The following TRIP6 variants were observed in gnomAD, a reference collection of about 807,000 sequenced individuals.
TRIP6 encodes thyroid receptor-interacting protein 6.
TRIP6 carries 33 observed loss-of-function variants against 51.9 expected under a neutral mutation model. The observed-to-expected ratio is 0.64, with a 90% CI of 0.48 to 0.85. The LOEUF is 0.85. Among genes scored for constraint, TRIP6 ranks in the 40% least tolerant of loss-of-function variants. The pLI, the probability that TRIP6 is intolerant of heterozygous loss-of-function variation, is 0.00. For synonymous variants in TRIP6, 255 were observed against 275.8 expected, an observed-to-expected ratio of 0.92 and a Z score of 0.75; for missense variants, 661 against 652.1, an observed-to-expected ratio of 1.01 and a Z score of -0.15.
At position 100,868,718 on chromosome 7, in the gene TRIP6, C is replaced by T. The variant is rs200697023; in HGVS notation, c.587C>T (p.Pro196Leu). 325 of 1,568,716 alleles carry T rather than the reference C, an allele frequency of 2.1e-4. No individual in the cohort carries two copies. Among genetic ancestry groups the T allele is most frequent in the East Asian group, 3.2e-4 (14 of 44,222 alleles). ...GCCTCTCAGGCCTCTGGGCCCCTCC[C>T]GGGCCCCCACTTTCCTCTCCCAGGC... ...RGASQASGPL[P>L]GPHFPLPGRG... The change falls in exon 4 of 9, where the codon CCG becomes CTG. Residue 196 changes from proline (P) to leucine (L), a missense_variant. Pro to Leu is a moderately conservative substitution (Grantham distance 98). Transcript: ENST00000200457.
In TRIP6 at chr7:100,868,219, C is replaced by G; in HGVS notation, c.349C>G (p.Arg117Gly). 6.2e-7 allele frequency: 1 copy of G among 1,607,638 alleles called. No homozygotes were observed. Residue 117 changes from arginine to glycine, a missense_variant, in exon 3 of 9, where the codon CGA (arginine) becomes GGA (glycine). Arg to Gly is a moderately radical substitution (Grantham distance 125). Coordinates refer to ENST00000200457, the MANE Select transcript of TRIP6 (RefSeq NM_003302.3). ...TGGGGGTCGGGGTCATGCGTCACGG[C>G]GACCAGACCGACAGGTGACTCTGCC... ...LNGGRGHASR[R>G]PDRQAYEPPP...
chr7:100,872,824 G>A, intron 8 of TRIP6, 80 bp downstream of exon 8: 3 of 1,549,804 alleles, frequency 1.9e-6, no homozygotes, highest in East Asian at 4.5e-5. Context: ...ACAGAGGTCT[G>A]GGGTTGATGG....
In TRIP6 at chr7:100,870,390, A is replaced by G. The variant is rs1397197880; in HGVS notation, c.756A>G (p.Pro252=). ...HGPQVPLSQP[P]EDELDRLTKK... is the part of the protein sequence containing the mutation. ...TCCAGGTGCCCCTGAGCCAGCCTCC[A>G]GAGGATGAGCTGGATAGGCTGACGA... is the stretch of plus-strand genomic sequence containing the variant. The change falls in exon 5 of 9, where the codon CCA becomes CCG. Residue 252 remains proline (P), a synonymous_variant. Coordinates refer to ENST00000200457, the MANE Select transcript of TRIP6 (RefSeq NM_003302.3). 2 of 1,612,340 alleles carry G rather than the reference A, an allele frequency of 1.2e-6. No homozygotes were observed. The highest frequency in any genetic ancestry group is 3.3e-5 in the Admixed American group (2 of 60,002).
At chr7:100,872,795 G>A in intron 8 of TRIP6, 51 bp downstream of exon 8, 1 of 1,608,542 alleles carries the variant, frequency 6.2e-7, no homozygotes, top group Non-Finnish European at 8.5e-7. Context: ...AGGGTGCTGG[G>A]TAGAGCATGA....
Position 100,867,841 on chromosome 7 carries a change from TTTCTC to T in TRIP6, c.110-16_110-12del. The T allele has an allele frequency of 6.5e-7, 1 of 1,537,122 alleles. No individual in the cohort carries two copies. Among genetic ancestry groups the T allele is most frequent in the Non-Finnish European group, 8.7e-7 (1 of 1,150,396 alleles). The stretch of plus-strand genomic sequence containing the variant: ...CTGTCCTCCGCCACCCCACCTTTGA[TTTCTC>T]TTCCCTCAACCCAGCACTCCAGCCC... On this transcript the variant is annotated splice_polypyrimidine_tract_variant and intron_variant, in intron 1 of 8. Coordinates refer to ENST00000200457, the MANE Select transcript of TRIP6 (RefSeq NM_003302.3). This position sits in a 1 kb window ranked among gnomAD's most constrained non-coding sequence, Gnocchi z 5.4.
intron 8 of TRIP6, 122 bp downstream of exon 8, chr7:100,872,866 T>TC: frequency 7.1e-7 from 1 of 1,408,824 alleles, no homozygotes; most frequent in Non-Finnish European, 9.4e-7. Flanking sequence ...TTTTTTTTTT[T>TC]TTGAGACGGA....
At chr7:100,870,808 G>GT in intron 6 of TRIP6, 65 bp downstream of exon 6, 3 of 1,548,902 alleles carry the variant, frequency 1.9e-6, no homozygotes, top group Non-Finnish European at 2.6e-6. Context: ...ATCCAAGGTG[G>GT]TAACTAGAGC....
chr7:100,867,912 G>A lies in TRIP6; in HGVS notation c.161G>A (p.Cys54Tyr), dbSNP rs370480446. 20 of 1,525,996 alleles carry A rather than the reference G, an allele frequency of 1.3e-5. No individual in the cohort carries two copies. Among genetic ancestry groups the A allele is most frequent in the Non-Finnish European group, 1.7e-5 (20 of 1,144,012 alleles). 94.5% of individuals were successfully genotyped at this position (1,525,996 alleles called of 1,614,324 possible). ...VNFCPLPSEQ[C>Y]YQAPGGPEDR... ...TTTTGCCCCCTTCCATCTGAGCAGT[G>A]TTACCAGGCCCCAGGGGGACCGGAG... Residue 54 changes from cysteine (C) to tyrosine (Y), a missense_variant, in exon 2 of 9, where the codon TGT becomes TAT. Physicochemically the swap from Cys to Tyr is radical, Grantham distance 194. Coordinates refer to ENST00000200457, the MANE Select transcript of TRIP6 (RefSeq NM_003302.3). The surrounding 1 kb of genome is among the most constrained non-coding windows in gnomAD (Gnocchi z 5.4).
At position 100,870,447 on chromosome 7, in the gene TRIP6, C is replaced by T. The variant is rs1336144506; in HGVS notation, c.813C>T (p.Pro271=). Residue 271 remains proline (P), a synonymous_variant, in exon 5 of 9, where the codon CCC becomes CCT. Coordinates refer to ENST00000200457, the MANE Select transcript of TRIP6 (RefSeq NM_003302.3). The part of the protein sequence containing the change: ...KKLVHDMNHP[P]SGEYFGQCGG... ...TGGTTCACGACATGAACCACCCGCC[C>T]AGCGGGGAGTACTTTGGTGAGCTGA... 6.2e-7 allele frequency: 1 copy of T among 1,613,504 alleles called. No homozygotes were observed. Among genetic ancestry groups the T allele is most frequent in the Non-Finnish European group, 8.5e-7 (1 of 1,179,848 alleles).
intron 4 of TRIP6, among the ~76,000 whole-genome samples, chr7:100,869,976 A>T (rs1423986717): frequency 6.6e-6 from 1 of 152,134 alleles, no homozygotes; most frequent in Non-Finnish European, 1.5e-5. Context: ...AAACAATTAT[A>T]CAATTCACCA....
In TRIP6 at chr7:100,868,681, C is replaced by T. The variant is rs1451218654; in HGVS notation, c.550C>T (p.Pro184Ser). 1.2e-6 allele frequency: 2 copies of T among 1,603,546 alleles called. No homozygotes were observed. Among genetic ancestry groups the T allele is most frequent in the Non-Finnish European group, 1.7e-6 (2 of 1,174,812 alleles). Residue 184 changes from proline (P) to serine (S), a missense_variant, in exon 4 of 9, where the codon CCC becomes TCC. By Grantham distance (74) the Pro-to-Ser change is moderately conservative. Transcript: ENST00000200457. ...ACAGCCAGTGAGGGGCTGCGGCCCA[C>T]CCAGGCGGGGAGCCTCTCAGGCCTC... is the stretch of plus-strand genomic sequence containing the variant. ...VAQPVRGCGP[P>S]RRGASQASGP...
At position 100,873,150 on chromosome 7, in the gene TRIP6, ATTG is replaced by A; in HGVS notation, c.1300-18_1300-16del. 8 of 1,602,402 alleles carry A rather than the reference ATTG, an allele frequency of 5.0e-6. No homozygotes were observed. Among genetic ancestry groups the A allele is most frequent in the Non-Finnish European group, 6.0e-6 (7 of 1,172,424 alleles). On this transcript the variant is annotated intron_variant, in intron 8 of 8. Coordinates refer to ENST00000200457, the MANE Select transcript of TRIP6 (RefSeq NM_003302.3). ...AGGCGTGAGCCATCGCGCCCGGCCA[ATTG>A]TTGCTTCTTTTTCAACAGGAGTGTG...
chr7:100,871,663 G>T lies in TRIP6; in HGVS notation c.1120G>T (p.Gly374Cys). 1 of 1,613,998 alleles carries T rather than the reference G, an allele frequency of 6.2e-7. No individual in the cohort carries two copies. Among genetic ancestry groups the T allele is most frequent in the Non-Finnish European group, 8.5e-7 (1 of 1,180,026 alleles). The change falls in exon 7 of 9, where the codon GGC becomes TGC. Residue 374 changes from glycine (G) to cysteine (C), a missense_variant. By Grantham distance (159) the Gly-to-Cys change is radical. Coordinates refer to ENST00000200457, the MANE Select transcript of TRIP6 (RefSeq NM_003302.3). ...TCVVCHRGLD[G>C]IPFTVDATSQ... ...CGTGGTGTGTCACCGCGGCCTCGAC[G>T]GCATCCCCTTCACAGTGGATGCTAC... is the stretch of plus-strand genomic sequence containing the variant.
Position 100,870,687 on chromosome 7 carries a change from C to G in TRIP6, c.943C>G (p.Arg315Gly), listed in dbSNP as rs546644102. 6.2e-7 allele frequency: 1 copy of G among 1,614,078 alleles called. No homozygotes were observed. Among genetic ancestry groups the G allele is most frequent in the South Asian group, 1.1e-5 (1 of 91,084 alleles). ...FVCSTCRAQLRGQHFYAVERR... is the reference protein window; with the variant it reads ...FVCSTCRAQLGGQHFYAVERR... ...ATGTTCTACATGCCGGGCCCAGCTTCGCGGCCAGCATTTCTACGCCGTGGA... is the reference window on the plus strand; with the variant it reads ...ATGTTCTACATGCCGGGCCCAGCTTGGCGGCCAGCATTTCTACGCCGTGGA... Residue 315 changes from arginine to glycine, a missense_variant, in exon 6 of 9, where the codon CGC becomes GGC. Coordinates refer to ENST00000200457, the MANE Select transcript of TRIP6 (RefSeq NM_003302.3).
At chr7:100,872,006 TTTC>T (rs993682581) in intron 7 of TRIP6, among the ~76,000 whole-genome samples, 5 of 151,168 alleles carry the variant, frequency 3.3e-5, no homozygotes, top group African/African-American at 4.9e-5. Context: ...CCTGGCTAGT[TTTC>T]TTCGTTTTTT....
In TRIP6 at chr7:100,872,638, G is replaced by A. The variant is rs1386270369; in HGVS notation, c.1193G>A (p.Arg398Lys). ...IEDFHRKFAP[R>K]CSVCGGAIMP... is the part of the protein sequence containing the mutation. The stretch of plus-strand genomic sequence containing the variant: ...TTCCCCTGCAGGAAGTTTGCCCCAA[G>A]ATGCTCAGTGTGCGGTGGGGCCATA... The change falls in exon 8 of 9, where the codon AGA becomes AAA. Residue 398 changes from arginine to lysine, a missense_variant. By Grantham distance (26) the Arg-to-Lys change is conservative. Coordinates refer to ENST00000200457, the MANE Select transcript of TRIP6 (RefSeq NM_003302.3). 3.7e-6 allele frequency: 6 copies of A among 1,613,934 alleles called. No individual in the cohort carries two copies. Among genetic ancestry groups the A allele is most frequent in the Non-Finnish European group, 5.1e-6 (6 of 1,179,966 alleles).
chr7:100,869,390 T>C (rs1214365833), intron 4 of TRIP6, among the ~76,000 whole-genome samples: 1 of 149,196 alleles, frequency 6.7e-6, no homozygotes, highest in African/African-American at 2.5e-5. Flanking sequence ...CCCAGCACTT[T>C]GGGAGGCTGA....
At chr7:100,871,990 A>T (rs527919098) in intron 7 of TRIP6, among the ~76,000 whole-genome samples, 120 of 143,396 alleles carry the variant, frequency 8.4e-4, no homozygotes, top group African/African-American at 3.1e-3. Flanking sequence ...TGCACACGCC[A>T]CCATGCCTGG....
rs139351872 is a variant in TRIP6 at position 100,868,125 on chromosome 7, G to T, written c.255G>T (p.Arg85Ser). Residue 85 changes from arginine to serine, a missense_variant, in exon 3 of 9, where the codon AGG becomes AGT. Arg to Ser is a moderately radical substitution (Grantham distance 110). Transcript: ENST00000200457. ...LQHTQGLPAD[R>S]GGLRPGSLDA... ...ATCCTCAGGGGCTCCCTGCAGACAG[G>T]GGGGGCCTTCGCCCTGGAAGCCTGG... is the stretch of plus-strand genomic sequence containing the variant. 1.0e-3 allele frequency: 1,635 copies of T among 1,612,570 alleles called. 1 individual carries two copies. Among genetic ancestry groups the T allele is most frequent in the Admixed American group, 2.0e-3 (122 of 59,808 alleles).
Sources: gnomAD v4.1 joint callset for allele counts (sites outside exome capture counted in the v4.1 genomes callset) on GRCh38, gnomAD v4.1.1 for gene constraint, Gnocchi (gnomAD v3.1) non-coding constraint, MANE v1.5 for transcripts, NCBI Gene and HGNC (gene_info 2026-07-23, HGNC 2026-07-21) for gene names.